DCDC1: variants seen among roughly 807,000 people sequenced by gnomAD.
DCDC1 encodes the protein doublecortin domain-containing protein 1.
DCDC1 carries 200 observed loss-of-function variants against 178.3 expected under a neutral mutation model. The observed-to-expected ratio is 1.12, with a 90% CI of 1.00 to 1.26. DCDC1 has a LOEUF of 1.26. DCDC1 is among the 50% of genes most tolerant of loss of function. The pLI, the probability that DCDC1 is intolerant of heterozygous loss-of-function variation, is 0.00. For missense variants in DCDC1, 1,983 were observed against 1,749.2 expected, an observed-to-expected ratio of 1.13 and a Z score of -2.38; for synonymous variants, 690 against 604.8, an observed-to-expected ratio of 1.14 and a Z score of -2.07.
intron 9 of DCDC1, among the ~76,000 whole-genome samples, chr11:31,223,487 A>C (rs1378362870): frequency 6.6e-6 from 1 of 152,168 alleles, no homozygotes; most frequent in Non-Finnish European, 1.5e-5. Flanking sequence ...TACTAATTTT[A>C]CTTCTAGATA....
Position 31,218,332 on chromosome 11 carries a change from T to C in DCDC1, c.1221+23118A>G, listed in dbSNP as rs578260451. On this transcript the variant is annotated intron_variant, in intron 9 of 38. Coordinates refer to ENST00000684477, the MANE Select transcript of DCDC1 (RefSeq NM_001387274.1). ...ATCATTCTTCTCAAAAGCTTTTCTC[T>C]TGATACTCTAAGAATAAATGTTTAT... 9.9e-5 allele frequency among the ~76,000 whole-genome samples: 15 copies of C among 152,268 alleles called. No homozygotes were observed. In the South Asian group the frequency reaches 3.1e-3, roughly 32 times the overall value.
At chr11:31,063,425 A>G (rs1471385457) in intron 20 of DCDC1, among the ~76,000 whole-genome samples, 1 of 152,196 alleles carries the variant, frequency 6.6e-6, no homozygotes, top group Non-Finnish European at 1.5e-5. Context: ...AGCACTATTC[A>G]CAATAGCAAA....
intron 25 of DCDC1, among the ~76,000 whole-genome samples, chr11:30,919,311 G>C (rs1946076102): frequency 6.6e-6 from 1 of 152,116 alleles, no homozygotes; most frequent in Non-Finnish European, 1.5e-5. Flanking sequence ...CTTGAAAACA[G>C]TGATCTCTCT....
At chr11:31,199,981 G>A (rs1357880494) in intron 9 of DCDC1, among the ~76,000 whole-genome samples, 2 of 152,050 alleles carry the variant, frequency 1.3e-5, no homozygotes, top group African/African-American at 4.8e-5. Flanking sequence ...GTTGATCATA[G>A]ATATATAGTT....
rs151006392 is a variant in DCDC1 at position 31,364,279 on chromosome 11, T to G, written c.-125+5418A>C. 3.3e-5 allele frequency among the ~76,000 whole-genome samples: 5 copies of G among 152,152 alleles called. No homozygotes were observed. The East Asian group carries it at 9.7e-4, about 29-fold the overall frequency. On this transcript the variant is annotated intron_variant, in intron 1 of 38. Coordinates refer to ENST00000684477, the MANE Select transcript of DCDC1 (RefSeq NM_001387274.1). ...CTGTATATAAATGCATATCCCCACA[T>G]GACTGGAAGAGATCACCACAAATTT...
chr11:31,227,081 C>T (rs1158709098), intron 9 of DCDC1, among the ~76,000 whole-genome samples: 3 of 152,114 alleles, frequency 2.0e-5, no homozygotes, highest in Non-Finnish European at 4.4e-5. Flanking sequence ...ACTACACATA[C>T]ACTCATGCAT....
chr11:30,903,089 T>C (rs1944814361), intron 32 of DCDC1, among the ~76,000 whole-genome samples: 1 of 152,062 alleles, frequency 6.6e-6, no homozygotes, highest in South Asian at 2.1e-4. Flanking sequence ...AGATTTCCAT[T>C]GACCCAGCCC....
chr11:30,940,371 C>A (rs1032471372), intron 21 of DCDC1, among the ~76,000 whole-genome samples: 4 of 152,118 alleles, frequency 2.6e-5, no homozygotes, highest in Non-Finnish European at 2.9e-5. Flanking sequence ...TCCTGTTGAC[C>A]AACCCCTCTT....
At chr11:31,213,993 G>C (rs905824953) in intron 9 of DCDC1, among the ~76,000 whole-genome samples, 1 of 151,984 alleles carries the variant, frequency 6.6e-6, no homozygotes, top group Non-Finnish European at 1.5e-5. Flanking sequence ...AATAGTTTTG[G>C]TGGGGGGGAC....
At chr11:30,889,905 G>A (rs1001163518) in intron 36 of DCDC1, among the ~76,000 whole-genome samples, 3 of 152,136 alleles carry the variant, frequency 2.0e-5, no homozygotes, top group South Asian at 2.1e-4. Flanking sequence ...GACTATATTC[G>A]AAGATAGAGC....
At chr11:30,873,101 G>GTCTCTCTCTC (rs552328701) in intron 38 of DCDC1, among the ~76,000 whole-genome samples, 1 of 145,866 alleles carries the variant, frequency 6.9e-6, no homozygotes, top group Non-Finnish European at 1.5e-5. Flanking sequence ...GTCTCTCTCT[G>GTCTCTCTCTC]TCTCTCTCTC....
chr11:31,324,095 T>C (rs1949520778), intron 3 of DCDC1, among the ~76,000 whole-genome samples: 2 of 152,122 alleles, frequency 1.3e-5, no homozygotes, highest in African/African-American at 2.4e-5. Context: ...TTATAACACA[T>C]AACAAATTTT....
chr11:31,177,006 C>T (rs755795198), intron 9 of DCDC1, among the ~76,000 whole-genome samples: 35 of 151,960 alleles, frequency 2.3e-4, no homozygotes, highest in Non-Finnish European at 4.1e-4. Flanking sequence ...ACTCATAATA[C>T]CCCAGTAATG....
chr11:30,912,627 C>T (rs1945524227), intron 27 of DCDC1, among the ~76,000 whole-genome samples: 1 of 152,134 alleles, frequency 6.6e-6, no homozygotes, highest in African/African-American at 2.4e-5. Flanking sequence ...TAGACTAAGA[C>T]ATTCAGCCAC....
chr11:31,103,699 C>G lies in DCDC1; in HGVS notation c.1822G>C (p.Val608Leu), dbSNP rs772647187. ...VSAFARGDIM[V>L]AYKTFLDPNA... ...GGATCCAAAAAGGTCTTATATGCAA[C>G]CATGATATCACCTCTGGCAAATGCA... Residue 608 changes from valine to leucine, a missense_variant, in exon 14 of 39, where the codon GTT becomes CTT. Transcript: ENST00000684477. 2.6e-6 allele frequency: 2 copies of G among 765,738 alleles called. No individual in the cohort carries two copies. Among genetic ancestry groups the G allele is most frequent in the South Asian group, 2.7e-5 (2 of 74,560 alleles). 47.4% of individuals were successfully genotyped at this position (765,738 alleles called of 1,614,324 possible).
At chr11:31,006,805 T>G (rs192503909) in intron 20 of DCDC1, among the ~76,000 whole-genome samples, 1 of 152,306 alleles carries the variant, frequency 6.6e-6, no homozygotes, top group African/African-American at 2.4e-5. Context: ...ACCTTCATGA[T>G]CCAATAAAGA....
rs539023523 is a variant in DCDC1 at position 30,882,852 on chromosome 11, G to C, written c.5083-1544C>G. The C allele has an allele frequency of 1.4e-4, 22 of 152,268 alleles. No individual in the cohort carries two copies. The South Asian group carries it at 3.5e-3, about 24-fold the overall frequency. 9.4% of individuals were successfully genotyped at this position (152,268 alleles called of 1,614,324 possible). ...TTACAGCAGGAGTACATTTTCAAAA[G>C]TATCTGTGTTGTGTTACCCCTAAAT... On this transcript the variant is annotated intron_variant, in intron 36 of 38. Transcript: ENST00000684477.
intron 7 of DCDC1, among the ~76,000 whole-genome samples, chr11:31,273,726 T>C (rs933550720): frequency 1.3e-4 from 20 of 152,290 alleles, no homozygotes; most frequent in African/African-American, 4.8e-4. Context: ...TTGGTACCAA[T>C]TTACTGTATT....
intron 20 of DCDC1, among the ~76,000 whole-genome samples, chr11:31,025,218 A>G (rs953180348): frequency 1.3e-5 from 2 of 151,810 alleles, no homozygotes; most frequent in African/African-American, 4.8e-5. Flanking sequence ...AGTACTTCCA[A>G]ATATAAGGTT....
Sources: allele counts gnomAD v4.1 joint callset (sites outside exome capture counted in the v4.1 genomes callset), GRCh38; gene constraint gnomAD v4.1.1; transcripts MANE v1.5; gene names NCBI Gene and HGNC (gene_info 2026-07-23, HGNC 2026-07-21).